The following LHFPL3 variants were observed in gnomAD, a reference collection of about 807,000 sequenced individuals.
LHFPL3 encodes LHFPL tetraspan subfamily member 3 protein.
LHFPL3 carries 5 observed loss-of-function variants against 19.3 expected under a neutral mutation model. The observed-to-expected ratio is 0.26, with a 90% CI of 0.14 to 0.54. The LOEUF (loss-of-function observed/expected upper bound fraction) is 0.54, where lower values mean the gene tolerates loss of function less well. Among genes scored for constraint, LHFPL3 ranks in the 20% least tolerant of loss-of-function variants. The pLI is 0.94. For missense variants in LHFPL3, 249 were observed against 307.4 expected (o/e 0.81, Z 1.42); for synonymous variants, 133 against 126.2 (o/e 1.05, Z -0.36).
At chr7:104,732,509 T>G (rs1793724125) in intron 1 of LHFPL3, among the ~76,000 whole-genome samples, 1 of 152,116 alleles carries the variant, frequency 6.6e-6, no homozygotes, top group South Asian at 2.1e-4. Flanking sequence ...AGTTTGTTTT[T>G]GTAGAGGTGT....
intron 1 of LHFPL3, among the ~76,000 whole-genome samples, chr7:104,513,457 A>G (rs1793860142): frequency 6.6e-6 from 1 of 152,186 alleles, no homozygotes; most frequent in African/African-American, 2.4e-5. Context: ...AGAGAACGTG[A>G]GGGAGAAACA....
intron 1 of LHFPL3, among the ~76,000 whole-genome samples, chr7:104,345,193 C>A (rs1790039489): frequency 6.6e-6 from 1 of 152,128 alleles, no homozygotes; most frequent in African/African-American, 2.4e-5. Context: ...AATGTGTTGG[C>A]ATAAAGCTGC....
At chr7:104,720,384 A>G (rs1361667422) in intron 1 of LHFPL3, among the ~76,000 whole-genome samples, 1 of 152,186 alleles carries the variant, frequency 6.6e-6, no homozygotes, top group East Asian at 1.9e-4. Flanking sequence ...TTATACAAAA[A>G]TTAATTCAAG....
intron 1 of LHFPL3, among the ~76,000 whole-genome samples, chr7:104,519,617 T>A (rs555094897): frequency 6.6e-6 from 1 of 152,278 alleles, no homozygotes; most frequent in South Asian, 2.1e-4. Flanking sequence ...TATTTACTCC[T>A]CCAGCTGATC....
At chr7:104,529,676 G>T (rs539457649) in intron 1 of LHFPL3, among the ~76,000 whole-genome samples, 1 of 152,106 alleles carries the variant, frequency 6.6e-6, no homozygotes, top group Non-Finnish European at 1.5e-5. Context: ...TTGATTAATG[G>T]CACAGTTGGA....
At chr7:104,763,491 G>C (rs1170267110) in intron 2 of LHFPL3, among the ~76,000 whole-genome samples, 1 of 152,240 alleles carries the variant, frequency 6.6e-6, no homozygotes. Context: ...GCCGTCTGCT[G>C]CAAGTAGAGA....
chr7:104,374,056 T>C (rs1776460687), intron 1 of LHFPL3, among the ~76,000 whole-genome samples: 1 of 152,064 alleles, frequency 6.6e-6, no homozygotes, highest in Admixed American at 6.6e-5. Context: ...GATTTATAGT[T>C]TGTAGGGCAT....
At chr7:104,815,350 T>A (rs1790543933) in intron 2 of LHFPL3, among the ~76,000 whole-genome samples, 1 of 152,098 alleles carries the variant, frequency 6.6e-6, no homozygotes, top group Non-Finnish European at 1.5e-5. Context: ...GAGAAGGGCA[T>A]ATGGCTGGGG....
chr7:104,526,926 C>T (rs1005843961), intron 1 of LHFPL3, among the ~76,000 whole-genome samples: 1 of 152,168 alleles, frequency 6.6e-6, no homozygotes, highest in African/African-American at 2.4e-5. Context: ...TAAATAAACA[C>T]ATACCTTTGT....
chr7:104,475,568 A>G, intron 1 of LHFPL3, among the ~76,000 whole-genome samples: 1 of 152,314 alleles, frequency 6.6e-6, no homozygotes, highest in East Asian at 1.9e-4. Context: ...GTATACTTAA[A>G]ATGGTTGAGA....
At chr7:104,757,512 C>CA (rs1794306924) in intron 2 of LHFPL3, 5 of 151,858 alleles carry the variant, frequency 3.3e-5, no homozygotes, top group Admixed American at 2.0e-4. Flanking sequence ...ACTCAACAAA[C>CA]AAAAAACAAA....
intron 1 of LHFPL3, among the ~76,000 whole-genome samples, chr7:104,591,182 T>G (rs1053262436): frequency 9.9e-5 from 15 of 152,208 alleles, no homozygotes; most frequent in Admixed American, 9.2e-4. Flanking sequence ...ATTTTGCTCG[T>G]TAGTTGATAC....
intron 2 of LHFPL3, among the ~76,000 whole-genome samples, chr7:104,832,425 C>A (rs571200871): frequency 9.9e-5 from 15 of 151,796 alleles, no homozygotes; most frequent in Middle Eastern, 3.4e-3. Flanking sequence ...TTTTTCATAA[C>A]CAGTTTTCAT....
At chr7:104,564,979 T>C (rs938367931) in intron 1 of LHFPL3, among the ~76,000 whole-genome samples, 7 of 152,196 alleles carry the variant, frequency 4.6e-5, no homozygotes, top group African/African-American at 1.7e-4. Context: ...CCACTAGTGA[T>C]CCTGAAATGT....
At chr7:104,829,413 T>A (rs568763171) in intron 2 of LHFPL3, among the ~76,000 whole-genome samples, 1 of 151,796 alleles carries the variant, frequency 6.6e-6, no homozygotes, top group Non-Finnish European at 1.5e-5. Flanking sequence ...ATGTGCCATG[T>A]TGGTGTGCTG....
At chr7:104,360,694 CGTGTGTGTGT>C (rs61216282) in intron 1 of LHFPL3, among the ~76,000 whole-genome samples, 12,651 of 144,338 alleles carry the variant, frequency 0.088, 608 homozygotes, top group East Asian at 0.13. Context: ...AAAGTGCTTC[CGTGTGTGTGT>C]GTGTGTGTGT....
intron 2 of LHFPL3, among the ~76,000 whole-genome samples, chr7:104,853,737 TG>T (rs1791452504): frequency 6.6e-6 from 1 of 152,224 alleles, no homozygotes; most frequent in African/African-American, 2.4e-5. Flanking sequence ...TCCTGCTTTT[TG>T]AACAATTTTC....
chr7:104,683,875 T>A (rs1222435316), intron 1 of LHFPL3, among the ~76,000 whole-genome samples: 1 of 152,238 alleles, frequency 6.6e-6, no homozygotes, highest in African/African-American at 2.4e-5. Flanking sequence ...AATTAAACCC[T>A]TCCTCAATTT....
intron 1 of LHFPL3, among the ~76,000 whole-genome samples, chr7:104,354,180 G>A (rs1790228904): frequency 6.6e-6 from 1 of 152,208 alleles, no homozygotes; most frequent in Non-Finnish European, 1.5e-5. Flanking sequence ...CGCAGTGCTA[G>A]GTTTTGAAGC....
Sources: gnomAD v4.1 joint callset for allele counts (sites outside exome capture counted in the v4.1 genomes callset) on GRCh38, gnomAD v4.1.1 for gene constraint, MANE v1.5 for transcripts, NCBI Gene and HGNC (gene_info 2026-07-23, HGNC 2026-07-21) for gene names.